The following HPSE2 variants were observed in gnomAD, a reference collection of about 807,000 sequenced individuals.
HPSE2 encodes the protein inactive heparanase-2.
Under a neutral mutation model 60.5 loss-of-function variants are expected in HPSE2, and 38 were observed. The ratio of observed to expected loss-of-function variants is 0.63; its 90% CI spans 0.48 to 0.82. HPSE2 has a LOEUF of 0.82. HPSE2 is among the 40% of genes least tolerant of loss of function. HPSE2 has a pLI of 0.00. For missense variants in HPSE2, 713 were observed against 740.4 expected, an observed-to-expected ratio of 0.96 and a Z score of 0.43; for synonymous variants, 295 against 293.2, an observed-to-expected ratio of 1.01 and a Z score of -0.06.
intron 5 of HPSE2, among the ~76,000 whole-genome samples, chr10:98,713,480 G>A (rs72840589): frequency 0.015 from 2,293 of 151,596 alleles, 33 homozygotes; most frequent in African/African-American, 0.03. Context: ...ATCACCCACC[G>A]AAACCAGAGT....
At chr10:98,911,233 A>C (rs1953969937) in intron 3 of HPSE2, among the ~76,000 whole-genome samples, 1 of 152,176 alleles carries the variant, frequency 6.6e-6, no homozygotes, top group Admixed American at 6.5e-5. Flanking sequence ...CATTAATTGG[A>C]GTCAACTTCC....
intron 3 of HPSE2, among the ~76,000 whole-genome samples, chr10:98,872,485 G>T (rs1952759860): frequency 6.6e-6 from 1 of 151,776 alleles, no homozygotes; most frequent in Non-Finnish European, 1.5e-5. Flanking sequence ...TTTTTCTTTG[G>T]AGTAACTTAA....
At chr10:98,514,530 T>A (rs1350658128) in intron 9 of HPSE2, among the ~76,000 whole-genome samples, 1 of 152,162 alleles carries the variant, frequency 6.6e-6, no homozygotes, top group Non-Finnish European at 1.5e-5. Context: ...AAGCCTTAAT[T>A]GCTGCATACC....
rs150081974 is a variant in HPSE2, at chr10:99,147,806, T to C, written c.449-3407A>G. On this transcript the variant is annotated intron_variant, in intron 2 of 11. Transcript: ENST00000370552. ...CAAAGATACTTATCAAAGAAGCACA[T>C]GGTAATATATCTGGAGGAAGAGTTA... Among the ~76,000 whole-genome samples the C allele has an allele frequency of 9.1e-3, 1,389 of 152,192 alleles. 16 individuals are homozygous for C. The highest frequency in any genetic ancestry group is 0.031 in the African/African-American group (1,296 of 41,518).
intron 3 of HPSE2, among the ~76,000 whole-genome samples, chr10:98,848,008 A>G (rs555392654): frequency 6.6e-6 from 1 of 152,388 alleles, no homozygotes; most frequent in East Asian, 1.9e-4. Flanking sequence ...CATATAATTC[A>G]TAAAATAATT....
chr10:99,155,977 C>T (rs1380471269), intron 2 of HPSE2, among the ~76,000 whole-genome samples: 51 of 150,934 alleles, frequency 3.4e-4, no homozygotes, highest in Middle Eastern at 3.4e-3. Context: ...AACACCTCTA[C>T]GCAAATAAAC....
rs74399926 is a variant in HPSE2 at position 98,817,369 on chromosome 10, T to C, written c.611-73313A>G. 9.2e-3 allele frequency among the ~76,000 whole-genome samples: 1,396 copies of C among 152,262 alleles called. 22 individuals are homozygous for C. Among genetic ancestry groups the C allele is most frequent in the African/African-American group, 0.031 (1,292 of 41,556 alleles). ...TTTCTAAACAAAAGATACTTCAGAA[T>C]TACAATAACCAAATTGGGGTTCTTT... On this transcript the variant is annotated intron_variant, in intron 3 of 11. Coordinates refer to ENST00000370552, the MANE Select transcript of HPSE2 (RefSeq NM_021828.5).
intron 9 of HPSE2, among the ~76,000 whole-genome samples, chr10:98,600,255 AT>A (rs1945359644): frequency 6.6e-6 from 1 of 152,226 alleles, no homozygotes; most frequent in South Asian, 2.1e-4. Context: ...AACACCATAT[AT>A]ACTACATGCA....
chr10:98,902,175 T>G (rs1416882290), intron 3 of HPSE2, among the ~76,000 whole-genome samples: 1 of 152,144 alleles, frequency 6.6e-6, no homozygotes, highest in East Asian at 1.9e-4. Context: ...GAAAAAGGAT[T>G]AGAAGAGATT....
intron 3 of HPSE2, among the ~76,000 whole-genome samples, chr10:99,111,544 C>A (rs562615422): frequency 2.6e-5 from 4 of 152,170 alleles, no homozygotes; most frequent in Non-Finnish European, 5.9e-5. Flanking sequence ...AGAAAGACTG[C>A]GTTCCTTTCA....
intron 3 of HPSE2, among the ~76,000 whole-genome samples, chr10:98,975,423 T>C (rs1273574381): frequency 6.6e-6 from 1 of 152,096 alleles, no homozygotes; most frequent in African/African-American, 2.4e-5. Flanking sequence ...AATATATTCA[T>C]CTTAAAGTAT....
chr10:99,102,543 T>C (rs1408441889), intron 3 of HPSE2, among the ~76,000 whole-genome samples: 2 of 152,210 alleles, frequency 1.3e-5, no homozygotes, highest in Non-Finnish European at 2.9e-5. Context: ...AGCCGAATTC[T>C]ACCAGCGGTA....
chr10:98,664,245 G>T (rs1203117791), intron 6 of HPSE2, among the ~76,000 whole-genome samples: 1 of 152,000 alleles, frequency 6.6e-6, no homozygotes, highest in Non-Finnish European at 1.5e-5. Context: ...TGTTACCCTG[G>T]TAAACACCCA....
chr10:99,259,180 C>T, the HPSE2 span, among the ~76,000 whole-genome samples: 1 of 152,026 alleles, frequency 6.6e-6, no homozygotes, highest in South Asian at 2.1e-4. Context: ...ATGGCACATG[C>T]CTGTAATCCC....
chr10:98,602,156 C>T (rs1021302377), intron 9 of HPSE2, among the ~76,000 whole-genome samples: 3 of 152,064 alleles, frequency 2.0e-5, no homozygotes, highest in Admixed American at 6.5e-5. Context: ...AAAAGTAGAA[C>T]TAATTATTTG....
chr10:98,883,387 C>A (rs2134891855), intron 3 of HPSE2, among the ~76,000 whole-genome samples: 1 of 152,102 alleles, frequency 6.6e-6, no homozygotes, highest in African/African-American at 2.4e-5. Context: ...CTTTATAATT[C>A]TATGAAAATT....
rs1420226102 is a variant in HPSE2, at chr10:98,858,705, A to G, written c.611-114649T>C. Among the ~76,000 whole-genome samples, 3 of 152,354 alleles carry G rather than the reference A, an allele frequency of 2.0e-5. No homozygotes were observed. The East Asian group carries it at 5.8e-4, about 29-fold the overall frequency. On this transcript the variant is annotated intron_variant, in intron 3 of 11. Coordinates refer to ENST00000370552, the MANE Select transcript of HPSE2 (RefSeq NM_021828.5). ...AATGATTTCCAAGAAATCTAAGTTC[A>G]CGACGATGTGGTTGTGGATAAGACC...
At chr10:99,044,397 T>C (rs376274392) in intron 3 of HPSE2, among the ~76,000 whole-genome samples, 2 of 152,108 alleles carry the variant, frequency 1.3e-5, no homozygotes, top group East Asian at 3.9e-4. Context: ...TGCTACCACA[T>C]AAACACACTT....
intron 9 of HPSE2, among the ~76,000 whole-genome samples, chr10:98,558,182 G>T (rs1944068638): frequency 6.6e-6 from 1 of 152,100 alleles, no homozygotes; most frequent in Admixed American, 6.5e-5. Flanking sequence ...ACTGCTGGTA[G>T]GAATATAAGT....
Sources: gnomAD v4.1 joint callset for allele counts (sites outside exome capture counted in the v4.1 genomes callset) on GRCh38, gnomAD v4.1.1 for gene constraint, MANE v1.5 for transcripts, NCBI Gene and HGNC (gene_info 2026-07-23, HGNC 2026-07-21) for gene names.